CDK5RAP2: variants seen among roughly 807,000 people sequenced by gnomAD.
The protein encoded by CDK5RAP2 is CDK5 regulatory subunit-associated protein 2.
In CDK5RAP2, 147 loss-of-function variants were observed where a neutral mutation model predicts 232.9. The observed-to-expected ratio is 0.63, with a 90% CI of 0.55 to 0.72. The LOEUF (loss-of-function observed/expected upper bound fraction) is 0.72, where lower values mean the gene tolerates loss of function less well. CDK5RAP2 is among the 30% of genes least tolerant of loss of function. The probability of loss-of-function intolerance (pLI) is 0.00; values close to 1 mark genes in which losing one functional copy is unlikely to be tolerated. For missense variants in CDK5RAP2, 2,195 were observed against 2,231.5 expected (o/e 0.98, Z 0.33); for synonymous variants, 833 against 833.7 (o/e 1.00, Z 0.01).
chr9:120,552,487 T>C (rs2042079537), intron 3 of CDK5RAP2, among the ~76,000 whole-genome samples: 1 of 152,090 alleles, frequency 6.6e-6, no homozygotes, highest in African/African-American at 2.4e-5. Context: ...ATGTGGCACA[T>C]ATACACCATG....
At chr9:120,513,000 T>C (rs2040165081) in intron 12 of CDK5RAP2, among the ~76,000 whole-genome samples, 1 of 152,182 alleles carries the variant, frequency 6.6e-6, no homozygotes, top group South Asian at 2.1e-4. Flanking sequence ...TTTTGGACAT[T>C]GTTCTTACCA....
chr9:120,569,038 G>A (rs905040803), intron 2 of CDK5RAP2, among the ~76,000 whole-genome samples: 7 of 152,130 alleles, frequency 4.6e-5, no homozygotes, highest in South Asian at 2.1e-4. Context: ...ACACCTACTC[G>A]GTGCCAAGCC....
chr9:120,465,191 T>G (rs1336613796), intron 18 of CDK5RAP2, among the ~76,000 whole-genome samples: 1 of 152,230 alleles, frequency 6.6e-6, no homozygotes, highest in Non-Finnish European at 1.5e-5. Flanking sequence ...CTGTGCCACA[T>G]GCTTTCTTTA....
intron 5 of CDK5RAP2, among the ~76,000 whole-genome samples, chr9:120,544,654 A>G (rs1169043398): frequency 6.6e-6 from 1 of 152,252 alleles, no homozygotes; most frequent in African/African-American, 2.4e-5. Flanking sequence ...CAGGAACTCT[A>G]TTGCCAGGAC....
At chr9:120,407,584 A>G (rs2033546633) in intron 31 of CDK5RAP2, 1 of 331,000 alleles carries the variant, frequency 3.0e-6, no homozygotes, top group Non-Finnish European at 5.7e-6. Flanking sequence ...TTTAAGAGCC[A>G]CACTATATTA....
intron 7 of CDK5RAP2, among the ~76,000 whole-genome samples, chr9:120,531,041 G>A (rs570881774): frequency 2.6e-5 from 4 of 151,758 alleles, no homozygotes; most frequent in African/African-American, 7.3e-5. Context: ...AATAAAAAAC[G>A]GTGAAACTCC....
intron 29 of CDK5RAP2, among the ~76,000 whole-genome samples, chr9:120,409,734 C>G (rs898155146): frequency 6.6e-6 from 1 of 152,244 alleles, no homozygotes; most frequent in Non-Finnish European, 1.5e-5. Context: ...ACTCCTCAGG[C>G]TGAGGACAGC....
intron 10 of CDK5RAP2, among the ~76,000 whole-genome samples, chr9:120,525,957 ACAGTGGTGATCATT>A (rs1205406835): frequency 6.6e-6 from 1 of 152,170 alleles, no homozygotes. Flanking sequence ...GCTGCATCTG[ACAGTGGTGATCATT>A]CAAACTCCTT....
At chr9:120,548,212 T>A (rs1165546087) in intron 4 of CDK5RAP2, among the ~76,000 whole-genome samples, 1 of 152,222 alleles carries the variant, frequency 6.6e-6, no homozygotes, top group Non-Finnish European at 1.5e-5. Context: ...TATAATATCT[T>A]CAAGTGTAAT....
intron 14 of CDK5RAP2, among the ~76,000 whole-genome samples, chr9:120,483,323 A>C (rs1219309589): frequency 6.6e-6 from 1 of 152,224 alleles, no homozygotes; most frequent in Admixed American, 6.5e-5. Context: ...CCCACTTGCT[A>C]AACTAGTACA....
chr9:120,519,493 T>G (rs1363652734), intron 11 of CDK5RAP2, among the ~76,000 whole-genome samples: 1 of 151,880 alleles, frequency 6.6e-6, no homozygotes, highest in East Asian at 1.9e-4. Flanking sequence ...GAAGACAGAT[T>G]ACTCAGGCAT....
chr9:120,467,834 C>T (rs2037468750), intron 18 of CDK5RAP2, 26 bp downstream of exon 18: 1 of 1,612,442 alleles, frequency 6.2e-7, no homozygotes, highest in Non-Finnish European at 8.5e-7. Flanking sequence ...TTGTAATCAG[C>T]ACATGACAAC....
In CDK5RAP2 at chr9:120,409,258, C is replaced by T. The variant is rs780226269; in HGVS notation, c.4473G>A (p.Leu1491=). 1 of 1,613,798 alleles carries T rather than the reference C, an allele frequency of 6.2e-7. No homozygotes were observed. The change falls in exon 30 of 38, where the codon CTG becomes CTA. Residue 1491 remains leucine (L), a synonymous_variant. Transcript: ENST00000349780. ...TGGCATACTCCCGCTGAAGGTGCTC[C>T]AGGCTCACGGTCTTCCTGGAGAGGG... ...RESLSRKTVS[L]EHLQREYASV... is the part of the protein sequence containing the mutation.
In CDK5RAP2 at chr9:120,415,067, C is replaced by G. The variant is rs779258394; in HGVS notation, c.4270G>C (p.Glu1424Gln). ...KTNEKLRKQL[E>Q]RQGSEFVQGS... is the part of the protein sequence containing the mutation. ...TGAACAAATTCAGATCCTTGCCGTT[C>G]CAACTGTTTCCGTAGCTTCTCATTT... Residue 1424 changes from glutamate (E) to glutamine (Q), a missense_variant, in exon 28 of 38, where the codon GAA becomes CAA. By Grantham distance (29) the Glu-to-Gln change is conservative (BLOSUM62 2). Transcript: ENST00000349780. 1.2e-6 allele frequency: 2 copies of G among 1,614,070 alleles called. No homozygotes were observed. Among genetic ancestry groups the G allele is most frequent in the Non-Finnish European group, 1.7e-6 (2 of 1,180,018 alleles).
intron 18 of CDK5RAP2, among the ~76,000 whole-genome samples, chr9:120,463,112 C>T (rs2037182302): frequency 6.6e-6 from 1 of 152,142 alleles, no homozygotes; most frequent in African/African-American, 2.4e-5. Flanking sequence ...TGGCTCACAC[C>T]TGTAATCCCA....
At chr9:120,539,973 A>G (rs1433034918) in intron 5 of CDK5RAP2, among the ~76,000 whole-genome samples, 1 of 152,226 alleles carries the variant, frequency 6.6e-6, no homozygotes, top group African/African-American at 2.4e-5. Context: ...AGAGAAAAGC[A>G]TTTTAAATGC....
intron 1 of CDK5RAP2, among the ~76,000 whole-genome samples, chr9:120,578,540 G>A (rs947178118): frequency 6.0e-5 from 9 of 150,036 alleles, no homozygotes; most frequent in African/African-American, 2.0e-4. Context: ...TCTGCTGCCC[G>A]GGCATAAATA....
intron 11 of CDK5RAP2, among the ~76,000 whole-genome samples, chr9:120,521,847 A>G (rs2040680331): frequency 6.6e-6 from 1 of 151,836 alleles, no homozygotes; most frequent in Admixed American, 6.6e-5. Context: ...GGGTTTCGCC[A>G]TGTTAGCCAG....
At chr9:120,567,160 T>A (rs2042677362) in intron 3 of CDK5RAP2, among the ~76,000 whole-genome samples, 1 of 152,232 alleles carries the variant, frequency 6.6e-6, no homozygotes, top group African/African-American at 2.4e-5. Flanking sequence ...TGTAGAATAA[T>A]CAAATCTCAT....
Sources: allele counts gnomAD v4.1 joint callset (sites outside exome capture counted in the v4.1 genomes callset), GRCh38; gene constraint gnomAD v4.1.1; transcripts MANE v1.5; gene names NCBI Gene and HGNC (gene_info 2026-07-23, HGNC 2026-07-21).